KIF20B: variants seen among roughly 807,000 people sequenced by gnomAD.
KIF20B encodes kinesin-like protein KIF20B.
A neutral mutation model predicts 232.5 loss-of-function variants in KIF20B; 188 were observed. The ratio of observed to expected loss-of-function variants is 0.81; its 90% CI spans 0.72 to 0.91. The LOEUF is 0.91. Ranked by LOEUF, KIF20B falls within the 40% of genes least tolerant of loss-of-function variation. KIF20B has a pLI of 0.00. For missense variants in KIF20B, 2,154 were observed against 2,055.9 expected (o/e 1.05, Z -0.92); for synonymous variants, 712 against 683.0 (o/e 1.04, Z -0.66).
chr10:89,709,069 T>A, intron 2 of KIF20B, 98 bp from the exon 3 acceptor site: 1 of 786,214 alleles, frequency 1.3e-6, no homozygotes, highest in Non-Finnish European at 2.2e-6. Context: ...CTTTATCATC[T>A]CAGATTATTA....
intron 23 of KIF20B, among the ~76,000 whole-genome samples, chr10:89,747,238 A>G (rs1324729404): frequency 1.3e-5 from 2 of 152,082 alleles, no homozygotes; most frequent in African/African-American, 4.8e-5. Context: ...AGGAAACAAC[A>G]GGTGCTGGAG....
At chr10:89,722,012 A>G (rs1432601668) in intron 13 of KIF20B, among the ~76,000 whole-genome samples, 1 of 152,102 alleles carries the variant, frequency 6.6e-6, no homozygotes, top group Non-Finnish European at 1.5e-5. Flanking sequence ...CCTGGGCTCA[A>G]GTGATCCTCT....
At chr10:89,767,525 G>GT (rs1842387755) in intron 29 of KIF20B, among the ~76,000 whole-genome samples, 1 of 151,922 alleles carries the variant, frequency 6.6e-6, no homozygotes, top group African/African-American at 2.4e-5. Flanking sequence ...GGATTCTGAG[G>GT]TTCAGTCATG....
At chr10:89,773,457 A>C (rs530296979) in intron 32 of KIF20B, among the ~76,000 whole-genome samples, 52 of 152,188 alleles carry the variant, frequency 3.4e-4, no homozygotes, top group African/African-American at 1.2e-3. Flanking sequence ...GAGCTTTCAG[A>C]TATGAGATTG....
intron 13 of KIF20B, among the ~76,000 whole-genome samples, chr10:89,722,166 G>A (rs1034092620): frequency 3.3e-5 from 5 of 152,142 alleles, no homozygotes; most frequent in African/African-American, 1.2e-4. Context: ...CTCCTGCCTT[G>A]CAAAGCGCTG....
intron 29 of KIF20B, among the ~76,000 whole-genome samples, chr10:89,763,470 G>A (rs1842287802): frequency 1.3e-5 from 2 of 152,144 alleles, no homozygotes; most frequent in African/African-American, 4.8e-5. Context: ...AGAAAAGAGG[G>A]TTATGTAGAA....
intron 13 of KIF20B, among the ~76,000 whole-genome samples, chr10:89,720,031 C>G (rs1457171484): frequency 6.6e-6 from 1 of 152,192 alleles, no homozygotes; most frequent in East Asian, 1.9e-4. Context: ...GCATTTTCAT[C>G]ATGATCACAA....
chr10:89,718,377 G>A (rs1842979108), intron 11 of KIF20B, among the ~76,000 whole-genome samples: 2 of 152,004 alleles, frequency 1.3e-5, no homozygotes, highest in African/African-American at 4.8e-5. Context: ...CAGGTGTGGT[G>A]GCAGGCACCT....
At chr10:89,738,866 A>T in intron 20 of KIF20B, 92 bp from the exon 21 acceptor site, 2 of 1,387,468 alleles carry the variant, frequency 1.4e-6, no homozygotes, top group Non-Finnish European at 1.9e-6. Context: ...TTGTGAAAAG[A>T]TATAATTTTG....
Position 89,712,525 on chromosome 10 carries a change from G to A in KIF20B, c.675+1380G>A, listed in dbSNP as rs191956071. Reference sequence around the variant, plus strand: ...TTCCCTTGGCCTTCCAAAGTGTTGAGATTACATGTTTGAGCTGCCAAGCCT... The same window carrying A: ...TTCCCTTGGCCTTCCAAAGTGTTGAAATTACATGTTTGAGCTGCCAAGCCT... On this transcript the variant is annotated intron_variant, in intron 6 of 32. Coordinates refer to ENST00000371728, the MANE Select transcript of KIF20B (RefSeq NM_001284259.2). Among the ~76,000 whole-genome samples the A allele has an allele frequency of 6.6e-5, 10 of 152,222 alleles. 1 individual carries two copies. Among genetic ancestry groups the A allele is most frequent in the African/African-American group, 2.4e-4 (10 of 41,534 alleles).
intron 29 of KIF20B, among the ~76,000 whole-genome samples, chr10:89,768,030 A>C (rs890325883): frequency 2.2e-4 from 34 of 152,016 alleles, no homozygotes; most frequent in Non-Finnish European, 4.3e-4. Context: ...TTTAAGGGCT[A>C]TCTATCCTGT....
chr10:89,754,535 T>C lies in KIF20B; in HGVS notation c.4365T>C (p.Tyr1455=). The C allele has an allele frequency of 6.3e-7, 1 of 1,596,206 alleles. No individual in the cohort carries two copies. Among genetic ancestry groups the C allele is most frequent in the South Asian group, 1.1e-5 (1 of 87,466 alleles). Residue 1455 remains tyrosine, a synonymous_variant, in exon 26 of 33, where the codon TAT becomes TAC. Transcript: ENST00000371728. The part of the protein sequence containing the change: ...QDELQESEQK[Y]NADRKKWLEE... ...ATATACAGGAGTCTGAACAGAAATA[T>C]AATGCTGATAGAAAGAAATGGTTAG...
chr10:89,719,338 C>A (rs906737461), intron 12 of KIF20B, 81 bp from the exon 13 acceptor site: 1 of 1,055,734 alleles, frequency 9.5e-7, no homozygotes, highest in Admixed American at 2.5e-5. Context: ...GTTCATTTGA[C>A]TTAAATTTAT....
rs760756913 is a variant in KIF20B, at chr10:89,723,956, TG to T, written c.1723-7del. The T allele has an allele frequency of 1.0e-4, 156 of 1,504,030 alleles. 1 individual carries two copies. The Admixed American group carries it at 3.4e-3, about 33-fold the overall frequency. The allele number at this position is 1,504,030 out of a possible 1,614,324, so 93.2% of individuals were successfully genotyped here. ...TTTTATAAGAATTTTATCATTTACA[TG>T]TAATAGAAACTGTTGGACTTAATAG... On this transcript the variant is annotated splice_region_variant and splice_polypyrimidine_tract_variant and intron_variant, in intron 13 of 32. Coordinates refer to ENST00000371728, the MANE Select transcript of KIF20B (RefSeq NM_001284259.2).
In KIF20B at chr10:89,714,094, G is replaced by C; in HGVS notation, c.712+11G>C. ...ATGATACTCTTTATGGTAAGGTTTC[G>C]TTGCTCACTTATCTTTGATGTATCG... On this transcript the variant is annotated intron_variant, in intron 7 of 32. Coordinates refer to ENST00000371728, the MANE Select transcript of KIF20B (RefSeq NM_001284259.2). 1 of 1,399,798 alleles carries C rather than the reference G, an allele frequency of 7.1e-7. No homozygotes were observed. Among genetic ancestry groups the C allele is most frequent in the Non-Finnish European group, 9.6e-7 (1 of 1,036,498 alleles). The allele number at this position is 1,399,798 out of a possible 1,614,324, so 86.7% of individuals were successfully genotyped here. A position where few individuals can be genotyped will look rare whatever the true frequency, so the allele number is the denominator to read the frequency against.
chr10:89,769,966 G>A (rs1427630099), intron 31 of KIF20B, among the ~76,000 whole-genome samples: 2 of 151,914 alleles, frequency 1.3e-5, no homozygotes, highest in Non-Finnish European at 2.9e-5. Flanking sequence ...ACTTTTTGTC[G>A]AAGGCTTACC....
At chr10:89,707,037 G>T (rs1842737507) in intron 2 of KIF20B, among the ~76,000 whole-genome samples, 1 of 152,068 alleles carries the variant, frequency 6.6e-6, no homozygotes, top group African/African-American at 2.4e-5. Flanking sequence ...CATGAACACA[G>T]TATTCTTCAT....
chr10:89,705,058 G>T (rs572709415), intron 1 of KIF20B, among the ~76,000 whole-genome samples: 12 of 152,258 alleles, frequency 7.9e-5, no homozygotes, highest in South Asian at 2.1e-4. Context: ...TCTTTGAATG[G>T]ATATTATATG....
In KIF20B at chr10:89,724,074, G is replaced by A; in HGVS notation, c.1833G>A (p.Gln611=). Residue 611 remains glutamine (Q), a synonymous_variant, in exon 14 of 33, where the codon CAG becomes CAA. Coordinates refer to ENST00000371728, the MANE Select transcript of KIF20B (RefSeq NM_001284259.2). Reference sequence around the variant, plus strand: ...AAGAAGTTACACAGGAGTTTACTCAGTATTGGGCTCAACGGGAAGCTGACT... The same window carrying A: ...AAGAAGTTACACAGGAGTTTACTCAATATTGGGCTCAACGGGAAGCTGACT... ...IREEVTQEFT[Q]YWAQREADFK... 2.0e-6 allele frequency: 3 copies of A among 1,530,718 alleles called. No homozygotes were observed. Among genetic ancestry groups the A allele is most frequent in the African/African-American group, 1.4e-5 (1 of 70,308 alleles). The allele number at this position is 1,530,718 out of a possible 1,614,324, so 94.8% of individuals were successfully genotyped here. A position where few individuals can be genotyped will look rare whatever the true frequency, so the allele number is the denominator to read the frequency against.
Sources: gnomAD v4.1 joint callset for allele counts (sites outside exome capture counted in the v4.1 genomes callset) on GRCh38, gnomAD v4.1.1 for gene constraint, MANE v1.5 for transcripts, NCBI Gene and HGNC (gene_info 2026-07-23, HGNC 2026-07-21) for gene names.